Variants in STIMATE observed in about 807,000 individuals in gnomAD.
STIMATE encodes the protein STIM activating enhancer.
STIMATE carries 15 observed loss-of-function variants against 36.7 expected under a neutral mutation model. That is an observed-to-expected ratio of 0.41 (90% CI 0.27 to 0.63). The LOEUF is 0.63. Among genes scored for constraint, STIMATE ranks in the 20% least tolerant of loss-of-function variants. The pLI, the probability that STIMATE is intolerant of heterozygous loss-of-function variation, is 0.32. For synonymous variants in STIMATE, 163 were observed against 162.3 expected (o/e 1.00, Z -0.03); for missense variants, 305 against 397.3 (o/e 0.77, Z 1.98).
At chr3:52,865,695 A>G (rs1268882393) in intron 1 of STIMATE, among the ~76,000 whole-genome samples, 1 of 152,210 alleles carries the variant, frequency 6.6e-6, no homozygotes, top group Non-Finnish European at 1.5e-5. Context: ...TGGGAGTACA[A>G]TTCAAGGTGA....
intron 4 of STIMATE, chr3:52,847,198 C>T (rs975022514): frequency 9.3e-7 from 1 of 1,077,016 alleles, no homozygotes; most frequent in African/African-American, 1.7e-5. Context: ...AGGTGTGAGC[C>T]ACTGCACCTG....
intron 1 of STIMATE, among the ~76,000 whole-genome samples, chr3:52,860,154 C>T (rs938051263): frequency 6.8e-6 from 1 of 147,830 alleles, no homozygotes; most frequent in African/African-American, 2.5e-5. Context: ...AAAATTCATT[C>T]ATCTACCATC....
rs184871021 is a variant in STIMATE, at chr3:52,869,399, C to T, written c.161-13955G>A. Among the ~76,000 whole-genome samples the T allele has an allele frequency of 5.9e-3, 895 of 152,362 alleles. 8 individuals carry two copies. The highest frequency in any genetic ancestry group is 7.5e-3 in the Non-Finnish European group (509 of 68,046). On this transcript the variant is annotated intron_variant, in intron 1 of 7. Transcript: ENST00000355083. ...GCCCTGATGGCCTGGCATCTCCCACCTTAGTGCTGTCACTCATACTGTCCC... is the reference window on the plus strand; with the variant it reads ...GCCCTGATGGCCTGGCATCTCCCACTTTAGTGCTGTCACTCATACTGTCCC...
chr3:52,853,382 G>A (rs375136556), intron 2 of STIMATE, among the ~76,000 whole-genome samples: 24 of 152,274 alleles, frequency 1.6e-4, no homozygotes, highest in African/African-American at 5.1e-4. Flanking sequence ...AGCTAACCCC[G>A]ACCCATGTGA....
intron 1 of STIMATE, among the ~76,000 whole-genome samples, chr3:52,858,955 T>C (rs1463322919): frequency 6.6e-6 from 1 of 152,040 alleles, no homozygotes; most frequent in East Asian, 1.9e-4. Context: ...GGTCAGGAGT[T>C]CAAGACCAGC....
intron 1 of STIMATE, chr3:52,895,744 T>C (rs938145733): frequency 2.1e-6 from 1 of 467,438 alleles, no homozygotes; most frequent in Non-Finnish European, 3.6e-6. Flanking sequence ...ATCAAACCTA[T>C]GGAAACAGCC....
intron 4 of STIMATE, chr3:52,848,112 T>C (rs1700938643): frequency 6.5e-6 from 1 of 152,688 alleles, no homozygotes; most frequent in Non-Finnish European, 1.5e-5. Flanking sequence ...CCATGAAGTT[T>C]GTGGAAATCT....
Position 52,838,892 on chromosome 3 carries a change from C to T in STIMATE, c.*1602G>A, listed in dbSNP as rs578208713. 1.8e-4 allele frequency: 27 copies of T among 152,452 alleles called. No individual in the cohort carries two copies. Among genetic ancestry groups the T allele is most frequent in the African/African-American group, 5.8e-4 (24 of 41,596 alleles). 9.4% of individuals were successfully genotyped at this position (152,452 alleles called of 1,614,324 possible). ...CCTAAGTGGAGTGGCCTCCTCTGCA[C>T]TTGTCTCACTTGAAGTCCAGGATGT... On this transcript the variant is annotated 3_prime_UTR_variant, in exon 8 of 8. Transcript: ENST00000355083.
intron 1 of STIMATE, among the ~76,000 whole-genome samples, chr3:52,886,952 T>C (rs1486653590): frequency 6.6e-6 from 1 of 152,132 alleles, no homozygotes; most frequent in Non-Finnish European, 1.5e-5. Context: ...TTTTACAGAA[T>C]CACTGGCCTA....
intron 1 of STIMATE, among the ~76,000 whole-genome samples, chr3:52,865,788 G>C (rs1243511177): frequency 2.0e-5 from 3 of 152,184 alleles, no homozygotes; most frequent in Non-Finnish European, 4.4e-5. Context: ...TGACATCCCA[G>C]TCCCTCTGTT....
chr3:52,866,648 G>A (rs1470441507), intron 1 of STIMATE, among the ~76,000 whole-genome samples: 1 of 152,190 alleles, frequency 6.6e-6, no homozygotes, highest in African/African-American at 2.4e-5. Context: ...TTTTCCACAC[G>A]CCACTCTCAC....
intron 2 of STIMATE, among the ~76,000 whole-genome samples, chr3:52,854,840 A>C (rs1701066868): frequency 1.3e-5 from 2 of 152,324 alleles, no homozygotes; most frequent in South Asian, 4.1e-4. Context: ...GAAGTGAATT[A>C]AATTATGGGA....
At chr3:52,856,327 C>T (rs534182584) in intron 1 of STIMATE, among the ~76,000 whole-genome samples, 4 of 152,110 alleles carry the variant, frequency 2.6e-5, no homozygotes, top group Admixed American at 1.3e-4. Flanking sequence ...CTGCAGGAAA[C>T]GAAAAGCCAG....
At chr3:52,879,889 C>A (rs1456879709) in intron 1 of STIMATE, among the ~76,000 whole-genome samples, 2 of 152,164 alleles carry the variant, frequency 1.3e-5, no homozygotes, top group Non-Finnish European at 2.9e-5. Context: ...TCCCTGAGGG[C>A]TCTGAACCCT....
chr3:52,866,658 C>T (rs1701317511), intron 1 of STIMATE, among the ~76,000 whole-genome samples: 1 of 152,230 alleles, frequency 6.6e-6, no homozygotes, highest in Admixed American at 6.5e-5. Context: ...GCCACTCTCA[C>T]TTGGCATGTG....
At chr3:52,862,175 T>C (rs1701228497) in intron 1 of STIMATE, among the ~76,000 whole-genome samples, 2 of 152,138 alleles carry the variant, frequency 1.3e-5, no homozygotes, top group African/African-American at 4.8e-5. Context: ...CTCCTTACTC[T>C]CCTCCTTCCT....
chr3:52,857,556 CAT>C (rs1460121509), intron 1 of STIMATE, among the ~76,000 whole-genome samples: 1 of 152,144 alleles, frequency 6.6e-6, no homozygotes, highest in African/African-American at 2.4e-5. Context: ...AAATAAAGGA[CAT>C]CAAATATATC....
chr3:52,867,490 T>C (rs1278780519), intron 1 of STIMATE, among the ~76,000 whole-genome samples: 1 of 152,224 alleles, frequency 6.6e-6, no homozygotes, highest in African/African-American at 2.4e-5. Flanking sequence ...TATGCTTTCT[T>C]GTTCATCCCT....
intron 1 of STIMATE, among the ~76,000 whole-genome samples, chr3:52,891,197 A>C (rs978912372): frequency 3.3e-5 from 5 of 152,302 alleles, no homozygotes; most frequent in South Asian, 2.1e-4. Flanking sequence ...GTGTGGAAAG[A>C]GGGGTGGAAA....
Sources: gnomAD v4.1 joint callset for allele counts (sites outside exome capture counted in the v4.1 genomes callset) on GRCh38, gnomAD v4.1.1 for gene constraint, MANE v1.5 for transcripts, NCBI Gene and HGNC (gene_info 2026-07-23, HGNC 2026-07-21) for gene names.